Variants in FLNA observed in about 807,000 individuals in gnomAD.
The protein encoded by FLNA is filamin A, also known as filamin-A.
In FLNA, 7 loss-of-function variants were observed where a neutral mutation model predicts 157.6. The ratio of observed to expected loss-of-function variants is 0.04; its 90% CI spans 0.03 to 0.08. The LOEUF is 0.08. Among genes scored for constraint, FLNA ranks in the 10% least tolerant of loss-of-function variants. The probability of loss-of-function intolerance (pLI) is 1.00; values close to 1 mark genes in which losing one functional copy is unlikely to be tolerated. For synonymous variants in FLNA, 1,103 were observed against 1,060.8 expected (o/e 1.04, Z -0.77); for missense variants, 1,750 against 2,398.4 (o/e 0.73, Z 5.65).
Position 154,349,479 on chromosome X carries a change from G to A in FLNA, c.7639C>T (p.His2547Tyr). ...GCAGGCCCAGGACCCGGGGCCCCAT[G>A]CTGGGGGGCACAGGTGGCCTTGGTC... ...SLTKATCAPQHGAPGPGPADA... is the reference protein window; with the variant it reads ...SLTKATCAPQYGAPGPGPADA... The change falls in exon 47 of 48, where the codon CAT becomes TAT. Residue 2547 changes from histidine (H) to tyrosine (Y), a missense_variant. Coordinates refer to ENST00000369850, the MANE Select transcript of FLNA (RefSeq NM_001110556.2). The A allele has an allele frequency of 8.3e-7, 1 of 1,212,094 alleles. No individual in the cohort carries two copies. Among genetic ancestry groups the A allele is most frequent in the South Asian group, 1.8e-5 (1 of 57,074 alleles).
intron 35 of FLNA, 72 bp from the exon 36 acceptor site, chrX:154,353,799 G>A (rs910221344): frequency 8.4e-6 from 10 of 1,191,941 alleles, no homozygotes; most frequent in East Asian, 5.9e-5. Flanking sequence ...GAGGAGCTCC[G>A]ATGGCCAGGG....
At position 154,365,499 on chromosome X, in the gene FLNA, G is replaced by C. The variant is rs781823040; in HGVS notation, c.1430-13C>G. The C allele has an allele frequency of 3.3e-5, 40 of 1,208,032 alleles. No homozygotes were observed. In the South Asian group the frequency reaches 6.3e-4, roughly 19 times the overall value. On this transcript the variant is annotated splice_polypyrimidine_tract_variant and intron_variant, in intron 9 of 47. Coordinates refer to ENST00000369850, the MANE Select transcript of FLNA (RefSeq NM_001110556.2). Reference sequence around the variant, plus strand: ...CTCGGGTTACAGGCTGCAGGCAGAGGGGCCAGCTGAGCACCAGCAGCTCGG... The same window carrying C: ...CTCGGGTTACAGGCTGCAGGCAGAGCGGCCAGCTGAGCACCAGCAGCTCGG...
chrX:154,348,862 A>C lies in FLNA; in HGVS notation c.7931T>G (p.Val2644Gly). ...CGGGCCCCAGACTCAGGGCACCACA[A>C]CGCGGTAGGGGCTGCCTGGGATGTG... ...DEHIPGSPYR[V>G]VVP is the part of the protein sequence containing the mutation. Residue 2644 changes from valine to glycine, a missense_variant, in exon 48 of 48, where the codon GTT becomes GGT. Val to Gly is a moderately radical substitution (Grantham distance 109). Transcript: ENST00000369850. 5 of 1,207,590 alleles carry C rather than the reference A, an allele frequency of 4.1e-6. No homozygotes were observed. Among genetic ancestry groups the C allele is most frequent in the Non-Finnish European group, 5.6e-6 (5 of 893,022 alleles).
chrX:154,354,261 G>A lies in FLNA; in HGVS notation c.5447C>T (p.Ala1816Val), dbSNP rs12395634. The change falls in exon 34 of 48, where the codon GCG becomes GTG. Residue 1816 changes from alanine (A) to valine (V), a missense_variant. This residue lies in a region of FLNA where 970 missense variants were observed against 1,302.6 expected (regional missense o/e 0.74). Transcript: ENST00000369850. Reference sequence around the variant, plus strand: ...TTTGTTGTCAGTGATGGTGGGCTGCGCCACCTTGCCTGAGGGCATCCGAAC... The same window carrying A: ...TTTGTTGTCAGTGATGGTGGGCTGCACCACCTTGCCTGAGGGCATCCGAAC... ...GEVRMPSGKVAQPTITDNKDG... is the reference protein window; with the variant it reads ...GEVRMPSGKVVQPTITDNKDG... 7 of 1,210,667 alleles carry A rather than the reference G, an allele frequency of 5.8e-6. No homozygotes were observed. Among genetic ancestry groups the A allele is most frequent in the African/African-American group, 5.2e-5 (3 of 57,658 alleles).
intron 1 of FLNA, 59 bp downstream of exon 1, chrX:154,374,447 C>T (rs2067828471): frequency 1.8e-5 from 2 of 112,780 alleles, no homozygotes; most frequent in South Asian, 7.1e-4. Context: ...CAACCCCGCC[C>T]CCGGCCGACG....
intron 1 of FLNA, among the ~76,000 whole-genome samples, chrX:154,373,200 G>A (rs1469907142): frequency 4.5e-5 from 5 of 112,090 alleles, no homozygotes; most frequent in African/African-American, 1.6e-4. Context: ...CTGCCCCACT[G>A]GAAAGCAAGT....
At chrX:154,356,057 CCA>C (rs2067660400) in intron 30 of FLNA, among the ~76,000 whole-genome samples, 1 of 112,534 alleles carries the variant, frequency 8.9e-6, no homozygotes, top group African/African-American at 3.2e-5. Flanking sequence ...CTCCCAGGCT[CCA>C]GACCTGGCTG....
chrX:154,351,679 C>T lies in FLNA; in HGVS notation c.6925G>A (p.Val2309Ile). Reference sequence around the variant, plus strand: ...GGAATGTGTTCCTCGTTGAACTTGACTGAGACTTCGTAGTCACCTGGGCAG... The same window carrying T: ...GGAATGTGTTCCTCGTTGAACTTGATTGAGACTTCGTAGTCACCTGGGCAG... ...VQEPGDYEVS[V>I]KFNEEHIPDS... The change falls in exon 43 of 48, where the codon GTC becomes ATC. Residue 2309 changes from valine to isoleucine, a missense_variant. This residue lies in a region of FLNA where 970 missense variants were observed against 1,302.6 expected (regional missense o/e 0.74). Transcript: ENST00000369850. 8.3e-7 allele frequency: 1 copy of T among 1,203,022 alleles called. No individual in the cohort carries two copies. The highest frequency in any genetic ancestry group is 1.8e-5 in the South Asian group (1 of 56,834).
chrX:154,365,928 G>A (rs781838168), intron 9 of FLNA, 96 bp downstream of exon 9: 88 of 867,136 alleles, frequency 1.0e-4, no homozygotes, highest in Middle Eastern at 3.9e-4. Context: ...TAGGGGCCCC[G>A]GGGCGGGCTG....
intron 25 of FLNA, 23 bp from the exon 26 acceptor site, chrX:154,359,177 G>A: frequency 1.7e-6 from 2 of 1,211,234 alleles, no homozygotes; most frequent in South Asian, 3.5e-5. Flanking sequence ...GCAAAGGGAT[G>A]GCGGCTGTAT....
In FLNA at chrX:154,364,273, G is replaced by A. The variant is rs782287086; in HGVS notation, c.2122C>T (p.Arg708Trp). 10 of 1,209,165 alleles carry A rather than the reference G, an allele frequency of 8.3e-6. No homozygotes were observed. The highest frequency in any genetic ancestry group is 3.0e-5 in the East Asian group (1 of 33,754). ...DAKHGGKAPLRVQVQDNEGCP... is the reference protein window; with the variant it reads ...DAKHGGKAPLWVQVQDNEGCP... ...GGGTGCTCTACCTGGACTTGGACCC[G>A]AAGTGGGGCCTTGCCACCGTGCTTG... The change falls in exon 14 of 48, where the codon CGG (arginine) becomes TGG (tryptophan). Residue 708 changes from arginine (R) to tryptophan (W), a missense_variant. By Grantham distance (101) the Arg-to-Trp change is moderately radical (BLOSUM62 -3). Around this residue, in one of 5 missense-constraint regions of FLNA, gnomAD observed 648 missense variants for 805.8 expected, o/e 0.80. Transcript: ENST00000369850.
intron 2 of FLNA, among the ~76,000 whole-genome samples, chrX:154,368,538 G>A (rs782095700): frequency 1.8e-5 from 2 of 112,374 alleles, no homozygotes; most frequent in South Asian, 7.3e-4. Flanking sequence ...ATGACCTGGA[G>A]TGGGGCTGGG....
chrX:154,355,803 G>A (rs994086596), intron 30 of FLNA, among the ~76,000 whole-genome samples: 15 of 112,911 alleles, frequency 1.3e-4, no homozygotes, highest in African/African-American at 4.8e-4. Context: ...CAGAGTGCCC[G>A]AGGAAAGGGG....
Position 154,366,474 on chromosome X carries a change from T to A in FLNA, c.1066-4A>T. On this transcript the variant is annotated splice_polypyrimidine_tract_variant and splice_region_variant and intron_variant, in intron 7 of 47. Coordinates refer to ENST00000369850, the MANE Select transcript of FLNA (RefSeq NM_001110556.2). ...GGCCAGCAAAGAGCACAGTAACCTG[T>A]CCCCAGAAGGGTGGGCCGTGAGGGT... 3 of 1,210,023 alleles carry A rather than the reference T, an allele frequency of 2.5e-6. No homozygotes were observed. In the African/African-American group the frequency reaches 5.2e-5, roughly 21 times the overall value.
In FLNA at chrX:154,367,485, G is replaced by A; in HGVS notation, c.780C>T (p.Tyr260=). The part of the protein sequence containing the change: ...PNVDEHSVMT[Y]LSQFPKAKLK... ...GCTTGGCCTTGGGGAACTGGGACAGGTAGGTCATGACAGAGTGCTCGTCCA... is the reference window on the plus strand; with the variant it reads ...GCTTGGCCTTGGGGAACTGGGACAGATAGGTCATGACAGAGTGCTCGTCCA... Residue 260 remains tyrosine (Y), a synonymous_variant, in exon 5 of 48, where the codon TAC becomes TAT. Coordinates refer to ENST00000369850, the MANE Select transcript of FLNA (RefSeq NM_001110556.2). The A allele has an allele frequency of 8.3e-7, 1 of 1,211,480 alleles. No homozygotes were observed. Among genetic ancestry groups the A allele is most frequent in the Non-Finnish European group, 1.1e-6 (1 of 895,199 alleles).
In FLNA at chrX:154,358,285, T is replaced by C. The variant is rs782484503; in HGVS notation, c.4669A>G (p.Thr1557Ala). 3.7e-5 allele frequency: 45 copies of C among 1,209,267 alleles called. No homozygotes were observed. The South Asian group carries it at 7.7e-4, about 21-fold the overall frequency. The change falls in exon 28 of 48, where the codon ACC (threonine) becomes GCC (alanine). Residue 1557 changes from threonine to alanine, a missense_variant. Physicochemically the swap from Thr to Ala is moderately conservative, Grantham distance 58. Around this residue, in one of 5 missense-constraint regions of FLNA, gnomAD observed 970 missense variants for 1,302.6 expected, o/e 0.74. Coordinates refer to ENST00000369850, the MANE Select transcript of FLNA (RefSeq NM_001110556.2). ...GGCAGGCTGGCAGGCACGCCAGTGG[T>C]GTTGAGCCCGGGGCCACTGGCCTTC... Reference protein sequence around the residue: ...KVKASGPGLNTTGVPASLPVE... With the variant: ...KVKASGPGLNATGVPASLPVE...
chrX:154,362,218 C>G, intron 18 of FLNA, 24 bp downstream of exon 18: 1 of 1,209,242 alleles, frequency 8.3e-7, no homozygotes, highest in Non-Finnish European at 1.1e-6. Flanking sequence ...GCCCCGCAAC[C>G]TGCCATGGGG....
Position 154,365,350 on chromosome X carries a change from G to A in FLNA, c.1566C>T (p.Pro522=). The change falls in exon 10 of 48, where the codon CCC becomes CCT. Residue 522 remains proline (P), a splice_region_variant and synonymous_variant. Coordinates refer to ENST00000369850, the MANE Select transcript of FLNA (RefSeq NM_001110556.2). ...TGGCCTGGCTCCAGGCCAACTTACT[G>A]GGGCCCTTCACGGTGACCTTCAGCT... ...SGELKVTVKG[P]KGEERVKQKD... is the part of the protein sequence containing the mutation. 8 of 1,211,905 alleles carry A rather than the reference G, an allele frequency of 6.6e-6. No individual in the cohort carries two copies. Among genetic ancestry groups the A allele is most frequent in the Non-Finnish European group, 8.9e-6 (8 of 895,546 alleles).
At chrX:154,370,318 C>CTG (rs200221545) in intron 2 of FLNA, among the ~76,000 whole-genome samples, 1,367 of 111,415 alleles carry the variant, frequency 0.012, 11 homozygotes, top group African/African-American at 0.022. Context: ...CCCAGGTTGC[C>CTG]TGTGTGTGTG....
Sources: gnomAD v4.1 joint callset for allele counts (sites outside exome capture counted in the v4.1 genomes callset) on GRCh38, gnomAD v4.1.1 for gene constraint, gnomAD v4.1.1 regional missense constraint, MANE v1.5 for transcripts, NCBI Gene and HGNC (gene_info 2026-07-23, HGNC 2026-07-21) for gene names.